PAK2: variants seen among roughly 807,000 people sequenced by gnomAD.
The protein encoded by PAK2 is p21 (RAC1) activated kinase 2, also known as serine/threonine-protein kinase PAK 2.
A neutral mutation model predicts 65.9 loss-of-function variants in PAK2; 21 were observed. The ratio of observed to expected loss-of-function variants is 0.32; its 90% CI spans 0.23 to 0.46. The LOEUF (loss-of-function observed/expected upper bound fraction) is 0.46, where lower values mean the gene tolerates loss of function less well. Ranked by LOEUF, PAK2 falls within the 20% of genes least tolerant of loss-of-function variation. The probability of loss-of-function intolerance (pLI) is 1.00; values close to 1 mark genes in which losing one functional copy is unlikely to be tolerated. For synonymous variants in PAK2, 204 were observed against 219.7 expected (o/e 0.93, Z 0.63); for missense variants, 324 against 642.6 (o/e 0.50, Z 5.36).
At chr3:196,819,658 T>G (rs10446497) in intron 12 of PAK2, among the ~76,000 whole-genome samples, 69,433 of 151,904 alleles carry the variant, frequency 0.46, 17,084 homozygotes, top group African/African-American at 0.64. Context: ...GGAATGGGTT[T>G]AACAGTATAA....
chr3:196,828,152 T>G (rs1005017286), intron 14 of PAK2, among the ~76,000 whole-genome samples, 167 bp from the exon 15 acceptor site: 5 of 152,266 alleles, frequency 3.3e-5, no homozygotes, highest in African/African-American at 1.2e-4. Context: ...CATTCAACTC[T>G]GAAAGTAATG....
intron 1 of PAK2, among the ~76,000 whole-genome samples, chr3:196,749,849 T>C (rs1045711811): frequency 2.0e-5 from 3 of 151,526 alleles, no homozygotes; most frequent in African/African-American, 7.3e-5. Flanking sequence ...TGAGATAGAG[T>C]CTTGCTCTGT....
chr3:196,745,768 C>G (rs1713355168), intron 1 of PAK2, among the ~76,000 whole-genome samples: 1 of 150,532 alleles, frequency 6.6e-6, no homozygotes. Flanking sequence ...GACCTGAGAT[C>G]AAGCCACTGC....
Position 196,812,369 on chromosome 3 carries a change from G to A in PAK2, c.822+102G>A, listed in dbSNP as rs75726292. The A allele has an allele frequency of 2.9e-3, 2,290 of 776,902 alleles. 24 individuals carry two copies. The highest frequency in any genetic ancestry group is 0.026 in the African/African-American group (1,556 of 59,068). 48.1% of individuals were successfully genotyped at this position (776,902 alleles called of 1,614,324 possible). On this transcript the variant is annotated intron_variant, in intron 9 of 14. Coordinates refer to ENST00000327134, the MANE Select transcript of PAK2 (RefSeq NM_002577.4). The stretch of plus-strand genomic sequence containing the variant: ...GCAATAGGAACCTCTTTTAAGTTGA[G>A]CCCGTTGTAAGAATCGCTCTACGTA...
chr3:196,760,798 G>A (rs1480673897), intron 1 of PAK2, among the ~76,000 whole-genome samples: 4 of 152,214 alleles, frequency 2.6e-5, no homozygotes. Context: ...AGGTGTATAG[G>A]ATATTTATGA....
At chr3:196,817,102 G>C (rs563064861) in intron 11 of PAK2, among the ~76,000 whole-genome samples, 2 of 150,382 alleles carry the variant, frequency 1.3e-5, no homozygotes, top group Admixed American at 6.7e-5. Context: ...TGAGGAGCCT[G>C]TGCATGTTTA....
intron 1 of PAK2, among the ~76,000 whole-genome samples, chr3:196,778,390 C>G (rs1182838399): frequency 1.3e-5 from 2 of 152,158 alleles, no homozygotes; most frequent in African/African-American, 4.8e-5. Flanking sequence ...TTTCAGTTCT[C>G]TTGGCTATAT....
intron 1 of PAK2, among the ~76,000 whole-genome samples, chr3:196,762,127 T>C (rs1243712074): frequency 8.6e-6 from 1 of 116,016 alleles, no homozygotes; most frequent in African/African-American, 3.3e-5. Context: ...GTCCCCCACA[T>C]CTCAGACGAT....
intron 5 of PAK2, among the ~76,000 whole-genome samples, chr3:196,805,844 A>G (rs1214547308): frequency 3.3e-5 from 5 of 151,760 alleles, no homozygotes; most frequent in South Asian, 4.2e-4. Context: ...CAGTTTCTCA[A>G]TTGGGAGGAA....
In PAK2 at chr3:196,782,744, C is replaced by T; in HGVS notation, c.98C>T (p.Ala33Val). The stretch of plus-strand genomic sequence containing the variant: ...ACTGGAGGCAAAGACCCTTTGTCAG[C>T]CAATCACAGTTTGAAACCTTTGCCC... ...FSTGGKDPLS[A>V]NHSLKPLPSV... Residue 33 changes from alanine (A) to valine (V), a missense_variant, in exon 2 of 15, where the codon GCC becomes GTC. By Grantham distance (64) the Ala-to-Val change is moderately conservative. Transcript: ENST00000327134. 1 of 1,612,590 alleles carries T rather than the reference C, an allele frequency of 6.2e-7. No individual in the cohort carries two copies. The highest frequency in any genetic ancestry group is 8.5e-7 in the Non-Finnish European group (1 of 1,178,644).
chr3:196,802,954 C>T, intron 3 of PAK2, 63 bp from the exon 4 acceptor site: 3 of 1,116,978 alleles, frequency 2.7e-6, no homozygotes, highest in South Asian at 3.6e-5. Context: ...TCATTTATCT[C>T]TGGAAATTAA....
chr3:196,746,318 T>A (rs1291436569), intron 1 of PAK2, among the ~76,000 whole-genome samples: 2 of 152,214 alleles, frequency 1.3e-5, no homozygotes, highest in South Asian at 2.1e-4. Context: ...GGCTTCTGAA[T>A]TTTATGAGAT....
chr3:196,781,247 C>T (rs1402865684), intron 1 of PAK2, among the ~76,000 whole-genome samples: 1 of 152,162 alleles, frequency 6.6e-6, no homozygotes, highest in East Asian at 1.9e-4. Flanking sequence ...AAATTAAGAT[C>T]CAGTTACCAA....
Position 196,791,795 on chromosome 3 carries a change from GC to G in PAK2, c.187+8966del, listed in dbSNP as rs1484532496. Among the ~76,000 whole-genome samples the G allele has an allele frequency of 6.6e-6, 1 of 152,034 alleles. No individual in the cohort carries two copies. Among genetic ancestry groups the G allele is most frequent in the Admixed American group, 6.6e-5 (1 of 15,252 alleles). ...AAAAGTTAGCCAGGCGTGGTGGCGG[GC>G]CCCTGTAGTCCCAGCTACTCGGGAG... On this transcript the variant is annotated intron_variant, in intron 2 of 14. Coordinates refer to ENST00000327134, the MANE Select transcript of PAK2 (RefSeq NM_002577.4). The surrounding 1 kb of genome is among the most constrained non-coding windows in gnomAD (Gnocchi z 4.0).
chr3:196,765,143 CTTTTTTTTTTTT>C (rs58406576), intron 1 of PAK2, among the ~76,000 whole-genome samples: 2 of 98,866 alleles, frequency 2.0e-5, no homozygotes, highest in African/African-American at 4.1e-5. Flanking sequence ...CGTGCCCGGC[CTTTTTTTTTTTT>C]TTTTTTTTTT....
At chr3:196,747,282 C>G (rs758637351) in intron 1 of PAK2, 2 of 151,932 alleles carry the variant, frequency 1.3e-5, no homozygotes, top group Admixed American at 1.3e-4. Context: ...AATCGCTCCT[C>G]GGATAGACCT....
chr3:196,802,201 C>T (rs1170343383), intron 3 of PAK2, among the ~76,000 whole-genome samples, 174 bp downstream of exon 3: 1 of 151,836 alleles, frequency 6.6e-6, no homozygotes, highest in Non-Finnish European at 1.5e-5. Context: ...GAGTTCGAGA[C>T]CAGTGTGGCC....
At chr3:196,776,194 G>A (rs996556057) in intron 1 of PAK2, among the ~76,000 whole-genome samples, 4 of 152,142 alleles carry the variant, frequency 2.6e-5, no homozygotes, top group Non-Finnish European at 5.9e-5. Flanking sequence ...CAAATTGCTC[G>A]TTACTTTAAC....
chr3:196,746,813 TAAA>T (rs71621294), intron 1 of PAK2, among the ~76,000 whole-genome samples: 2 of 129,066 alleles, frequency 1.5e-5, no homozygotes, highest in Admixed American at 8.2e-5. Flanking sequence ...TCTGTCTCAT[TAAA>T]AAAAAAAAAA....
Sources: allele counts gnomAD v4.1 joint callset (sites outside exome capture counted in the v4.1 genomes callset), GRCh38; gene constraint gnomAD v4.1.1; non-coding constraint Gnocchi (gnomAD v3.1); transcripts MANE v1.5; gene names NCBI Gene and HGNC (gene_info 2026-07-23, HGNC 2026-07-21).